Variants in ADAMTS17 observed in about 807,000 individuals in gnomAD.
ADAMTS17 encodes A disintegrin and metalloproteinase with thrombospondin motifs 17.
In ADAMTS17, 113 loss-of-function variants were observed where a neutral mutation model predicts 141.5. The ratio of observed to expected loss-of-function variants is 0.80; its 90% CI spans 0.69 to 0.93. The LOEUF is 0.93. ADAMTS17 is among the 40% of genes least tolerant of loss of function. The pLI is 0.00. For synonymous variants in ADAMTS17, 768 were observed against 630.6 expected, an observed-to-expected ratio of 1.22 and a Z score of -3.27; for missense variants, 1,659 against 1,517.9, an observed-to-expected ratio of 1.09 and a Z score of -1.54.
At chr15:99,982,848 T>TCGGAG (rs1466847145) in intron 20 of ADAMTS17, among the ~76,000 whole-genome samples, 1 of 152,144 alleles carries the variant, frequency 6.6e-6, no homozygotes, top group African/African-American at 2.4e-5. Context: ...CAGCTGTGCG[T>TCGGAG]CGGAGCTGGC....
intron 15 of ADAMTS17, among the ~76,000 whole-genome samples, chr15:100,088,612 A>T (rs1333763155): frequency 2.0e-5 from 3 of 152,046 alleles, no homozygotes; most frequent in Non-Finnish European, 4.4e-5. Context: ...ACAGTAACCA[A>T]AACAGCATGG....
intron 8 of ADAMTS17, among the ~76,000 whole-genome samples, chr15:100,163,857 T>A (rs937827336): frequency 1.3e-5 from 2 of 152,242 alleles, no homozygotes; most frequent in Non-Finnish European, 2.9e-5. Flanking sequence ...ACTGGGCCAC[T>A]ACCACTTTGT....
At chr15:100,331,086 GGTCATCCTCACTCACACACGCCCATGGC>G in intron 2 of ADAMTS17, 32 bp from the exon 3 acceptor site, 1 of 1,613,402 alleles carries the variant, frequency 6.2e-7, no homozygotes, top group Non-Finnish European at 8.5e-7. Flanking sequence ...ACGCGATGTC[GGTCATCCTCACTCACACACGCCCATGGC>G]CCCCCGGAGG....
At chr15:99,998,531 G>C (rs754076642) in intron 18 of ADAMTS17, among the ~76,000 whole-genome samples, 43 of 152,292 alleles carry the variant, frequency 2.8e-4, no homozygotes, top group South Asian at 2.1e-4. Flanking sequence ...TTGAACCCAG[G>C]GGGTGGAGGT....
intron 18 of ADAMTS17, among the ~76,000 whole-genome samples, chr15:100,008,144 C>T (rs774337285): frequency 3.9e-5 from 6 of 152,022 alleles, no homozygotes; most frequent in Non-Finnish European, 8.8e-5. Context: ...TCTTAAGAAA[C>T]GTGGTCTGAT....
chr15:100,239,324 C>A (rs1365706267), intron 7 of ADAMTS17, among the ~76,000 whole-genome samples: 2 of 152,252 alleles, frequency 1.3e-5, no homozygotes, highest in Non-Finnish European at 2.9e-5. Flanking sequence ...CTCAGTCTCA[C>A]TTTCATCACT....
rs201676815 is a variant in ADAMTS17, at chr15:100,051,596, C to T, written c.2431G>A (p.Gly811Arg). Residue 811 changes from glycine to arginine, a missense_variant, in exon 17 of 22, where the codon GGG (glycine) becomes AGG (arginine). Coordinates refer to ENST00000268070, the MANE Select transcript of ADAMTS17 (RefSeq NM_139057.4). ...LFIWTHSGWE[G>R]CSVQCGGGER... ...CCTCCGCCGCACTGCACACTGCACCCTTCCCAGCCGCTGTGGGTCCAGATG... is the reference window on the plus strand; with the variant it reads ...CCTCCGCCGCACTGCACACTGCACCTTTCCCAGCCGCTGTGGGTCCAGATG... 5.6e-6 allele frequency: 9 copies of T among 1,613,992 alleles called. No homozygotes were observed. The highest frequency in any genetic ancestry group is 4.4e-5 in the South Asian group (4 of 91,062).
chr15:100,277,249 C>A (rs953379681), intron 4 of ADAMTS17, among the ~76,000 whole-genome samples: 1 of 152,022 alleles, frequency 6.6e-6, no homozygotes, highest in Non-Finnish European at 1.5e-5. Context: ...CTTGAGCCAC[C>A]AGTGTCTTAG....
chr15:100,122,180 A>T (rs892968443), intron 12 of ADAMTS17, among the ~76,000 whole-genome samples: 1 of 152,162 alleles, frequency 6.6e-6, no homozygotes, highest in Non-Finnish European at 1.5e-5. Flanking sequence ...ACAGGATGCT[A>T]CCTGCTTCTG....
At chr15:100,256,082 C>A (rs2043317229) in intron 6 of ADAMTS17, among the ~76,000 whole-genome samples, 1 of 152,244 alleles carries the variant, frequency 6.6e-6, no homozygotes, top group African/African-American at 2.4e-5. Flanking sequence ...GCTGCTTTAT[C>A]TCCAGGGAAC....
intron 7 of ADAMTS17, among the ~76,000 whole-genome samples, chr15:100,248,631 C>G (rs1009305954): frequency 2.6e-5 from 4 of 152,198 alleles, no homozygotes; most frequent in African/African-American, 9.7e-5. Context: ...GGGGGCCACT[C>G]AGTGAGGGGA....
intron 20 of ADAMTS17, among the ~76,000 whole-genome samples, chr15:99,988,717 C>T (rs1286011654): frequency 6.6e-6 from 1 of 152,178 alleles, no homozygotes; most frequent in East Asian, 1.9e-4. Flanking sequence ...GACGGCCAGG[C>T]AAAAGGCTCC....
At chr15:100,096,864 G>T (rs1429472257) in intron 14 of ADAMTS17, among the ~76,000 whole-genome samples, 2 of 152,310 alleles carry the variant, frequency 1.3e-5, no homozygotes, top group South Asian at 4.1e-4. Flanking sequence ...CATGATGGGG[G>T]TTCCCCTCTA....
intron 13 of ADAMTS17, among the ~76,000 whole-genome samples, chr15:100,110,192 G>A (rs2036670712): frequency 1.4e-5 from 2 of 141,996 alleles, no homozygotes; most frequent in South Asian, 4.4e-4. Context: ...TTTATATACT[G>A]ATATATATAT....
intron 3 of ADAMTS17, among the ~76,000 whole-genome samples, chr15:100,298,691 A>G (rs1186371666): frequency 6.6e-6 from 1 of 152,204 alleles, no homozygotes. Flanking sequence ...AGAAAATGCC[A>G]GGCAGCATCA....
intron 2 of ADAMTS17, 95 bp from the exon 3 acceptor site, chr15:100,331,149 A>G: frequency 1.3e-6 from 2 of 1,521,344 alleles, no homozygotes; most frequent in Non-Finnish European, 9.0e-7. Flanking sequence ...CCTTGCTGTG[A>G]TTTGGTTTTC....
intron 20 of ADAMTS17, chr15:99,980,572 C>G (rs980643546): frequency 2.6e-5 from 4 of 152,316 alleles, no homozygotes; most frequent in Admixed American, 2.6e-4. Context: ...CCGCCTCACT[C>G]CCCTGCATCT....
chr15:100,117,557 C>T (rs1401717255), intron 12 of ADAMTS17, among the ~76,000 whole-genome samples: 1 of 152,176 alleles, frequency 6.6e-6, no homozygotes, highest in Non-Finnish European at 1.5e-5. Flanking sequence ...GCTACCTTTA[C>T]CTGGGCAGGT....
chr15:100,271,165 G>A (rs112179542), intron 4 of ADAMTS17, among the ~76,000 whole-genome samples: 2 of 152,150 alleles, frequency 1.3e-5, no homozygotes, highest in East Asian at 1.9e-4. Flanking sequence ...ACTTTGGGTT[G>A]CTTCCACCAT....
Sources: allele counts gnomAD v4.1 joint callset (sites outside exome capture counted in the v4.1 genomes callset), GRCh38; gene constraint gnomAD v4.1.1; transcripts MANE v1.5; gene names NCBI Gene and HGNC (gene_info 2026-07-23, HGNC 2026-07-21).